Variants in MUSK observed in about 807,000 individuals in gnomAD.
MUSK encodes the protein muscle, skeletal receptor tyrosine-protein kinase.
Under a neutral mutation model 88.7 loss-of-function variants are expected in MUSK, and 55 were observed. That is an observed-to-expected ratio of 0.62 (90% CI 0.50 to 0.78). The LOEUF (loss-of-function observed/expected upper bound fraction) is 0.78. MUSK is among the 30% of genes least tolerant of loss of function. The pLI, the probability that MUSK is intolerant of heterozygous loss-of-function variation, is 0.00. For missense variants in MUSK, 1,015 were observed against 1,074.3 expected, an observed-to-expected ratio of 0.94 and a Z score of 0.77; for synonymous variants, 387 against 391.9, an observed-to-expected ratio of 0.99 and a Z score of 0.15.
chr9:110,742,845 G>C (rs1261950946), intron 6 of MUSK, among the ~76,000 whole-genome samples: 2 of 152,186 alleles, frequency 1.3e-5, no homozygotes, highest in African/African-American at 4.8e-5. Flanking sequence ...GCTGCTCTTA[G>C]AGCCAAGTTT....
At chr9:110,799,672 G>A (rs1195167693) in intron 14 of MUSK, among the ~76,000 whole-genome samples, 1 of 152,162 alleles carries the variant, frequency 6.6e-6, no homozygotes, top group Non-Finnish European at 1.5e-5. Flanking sequence ...TAGGTGTGGG[G>A]AATTTTTAAA....
At chr9:110,689,420 A>C (rs1394852656) in intron 3 of MUSK, among the ~76,000 whole-genome samples, 1 of 110,928 alleles carries the variant, frequency 9.0e-6, no homozygotes, top group Admixed American at 1.1e-4. Flanking sequence ...ATTTATATAT[A>C]ATATATGTAA....
chr9:110,689,322 A>G (rs1406568764), intron 3 of MUSK, among the ~76,000 whole-genome samples: 6 of 117,488 alleles, frequency 5.1e-5, no homozygotes, highest in Non-Finnish European at 9.6e-5. Context: ...AATATATATT[A>G]AATATATATT....
intron 5 of MUSK, among the ~76,000 whole-genome samples, chr9:110,724,530 GA>G (rs926986803): frequency 6.6e-6 from 1 of 151,902 alleles, no homozygotes; most frequent in African/African-American, 2.4e-5. Flanking sequence ...ACGATACTAT[GA>G]CTGCTTTGGT....
At chr9:110,756,410 C>G (rs747249700) in intron 7 of MUSK, among the ~76,000 whole-genome samples, 3 of 151,958 alleles carry the variant, frequency 2.0e-5, no homozygotes, top group Non-Finnish European at 4.4e-5. Flanking sequence ...AACTTAGCTA[C>G]CTTCATAGCA....
intron 5 of MUSK, among the ~76,000 whole-genome samples, chr9:110,722,147 T>C (rs897711669): frequency 3.9e-5 from 6 of 152,104 alleles, no homozygotes; most frequent in Non-Finnish European, 7.4e-5. Flanking sequence ...TTCTAGAAGA[T>C]AACATCAGAA....
chr9:110,799,657 C>T (rs2078061496), intron 14 of MUSK, among the ~76,000 whole-genome samples: 2 of 152,164 alleles, frequency 1.3e-5, no homozygotes, highest in South Asian at 2.1e-4. Context: ...CTGCCAGACA[C>T]GTGGTAGGTG....
At chr9:110,695,608 A>G (rs2076421737) in intron 4 of MUSK, 78 bp downstream of exon 4, 1 of 1,164,854 alleles carries the variant, frequency 8.6e-7, no homozygotes. Context: ...TCAGTTACAC[A>G]CTTACAAACT....
At chr9:110,774,956 G>GTTTAATTTATTT (rs1564284201) in intron 9 of MUSK, among the ~76,000 whole-genome samples, 1 of 151,836 alleles carries the variant, frequency 6.6e-6, no homozygotes, top group African/African-American at 2.4e-5. Flanking sequence ...CTATTATTAT[G>GTTTAATTTATTT]TTTAATTTAT....
chr9:110,694,385 C>CAAAAAAAAAAA (rs796590211), intron 3 of MUSK, among the ~76,000 whole-genome samples: 1 of 51,776 alleles, frequency 1.9e-5, no homozygotes, highest in African/African-American at 8.0e-5. Context: ...GACTCCGTCT[C>CAAAAAAAAAAA]AAAAAAAAAA....
chr9:110,761,345 G>A (rs2077395112), intron 7 of MUSK, among the ~76,000 whole-genome samples: 2 of 152,090 alleles, frequency 1.3e-5, no homozygotes, highest in African/African-American at 4.8e-5. Context: ...AAGGTAGGGA[G>A]AGCAGAACAT....
intron 5 of MUSK, among the ~76,000 whole-genome samples, chr9:110,711,698 G>A (rs1030712425): frequency 1.3e-5 from 2 of 152,142 alleles, no homozygotes; most frequent in Non-Finnish European, 2.9e-5. Context: ...TAACGTTCTT[G>A]ATGCCCATAT....
At chr9:110,702,846 T>C (rs1461937477) in intron 5 of MUSK, among the ~76,000 whole-genome samples, 3 of 152,112 alleles carry the variant, frequency 2.0e-5, no homozygotes, top group African/African-American at 7.2e-5. Context: ...TAAGCCAAGA[T>C]TGTGCCACTG....
intron 1 of MUSK, among the ~76,000 whole-genome samples, chr9:110,679,332 T>C (rs571784520): frequency 6.6e-6 from 1 of 152,236 alleles, no homozygotes; most frequent in East Asian, 1.9e-4. Context: ...GCAATGTTTC[T>C]TTTTTTCTTA....
intron 5 of MUSK, among the ~76,000 whole-genome samples, chr9:110,703,974 T>C (rs1446739774): frequency 6.6e-6 from 1 of 152,186 alleles, no homozygotes; most frequent in African/African-American, 2.4e-5. Flanking sequence ...AAAGAGATTA[T>C]CTTAAAATAT....
At chr9:110,777,115 A>G (rs1021469074) in intron 11 of MUSK, among the ~76,000 whole-genome samples, 1 of 152,126 alleles carries the variant, frequency 6.6e-6, no homozygotes, top group Non-Finnish European at 1.5e-5. Flanking sequence ...GATTTCCAGT[A>G]TAAAGTTTAT....
At chr9:110,729,369 C>G (rs1195861643) in intron 5 of MUSK, among the ~76,000 whole-genome samples, 1 of 142,584 alleles carries the variant, frequency 7.0e-6, no homozygotes, top group East Asian at 2.0e-4. Flanking sequence ...AAAAAAGGTA[C>G]CTTGCATTCT....
At chr9:110,787,651 A>C in intron 13 of MUSK, 39 bp from the exon 14 acceptor site, 1 of 1,599,470 alleles carries the variant, frequency 6.3e-7, no homozygotes, top group Non-Finnish European at 8.5e-7. Context: ...TATGATGTCC[A>C]TGATCTTTGG....
Position 110,801,274 on chromosome 9 carries a change from G to C in MUSK, c.*286G>C, listed in dbSNP as rs867052519. Reference sequence around the variant, plus strand: ...TAATACACACTGCACAGGGAAGAATGTCATCCTGTTCAGTTTCCAAAGTAG... The same window carrying C: ...TAATACACACTGCACAGGGAAGAATCTCATCCTGTTCAGTTTCCAAAGTAG... On this transcript the variant is annotated 3_prime_UTR_variant, in exon 15 of 15. Coordinates refer to ENST00000374448, the MANE Select transcript of MUSK (RefSeq NM_005592.4). 3.7e-6 allele frequency: 1 copy of C among 269,786 alleles called. No homozygotes were observed. The highest frequency in any genetic ancestry group is 1.4e-4 in the South Asian group (1 of 7,088). The allele number at this position is 269,786 out of a possible 1,614,324, so 16.7% of individuals were successfully genotyped here. A position where few individuals can be genotyped will look rare whatever the true frequency, so the allele number is the denominator to read the frequency against.
Sources: allele counts gnomAD v4.1 joint callset (sites outside exome capture counted in the v4.1 genomes callset), GRCh38; gene constraint gnomAD v4.1.1; transcripts MANE v1.5; gene names NCBI Gene and HGNC (gene_info 2026-07-23, HGNC 2026-07-21).